Variants in FCN2 observed in about 807,000 individuals in gnomAD.
The protein encoded by FCN2 is ficolin 2.
A neutral mutation model predicts 32.5 loss-of-function variants in FCN2; 31 were observed. That is an observed-to-expected ratio of 0.96 (90% CI 0.72 to 1.29). The LOEUF is 1.29. Ranked by LOEUF, FCN2 falls within the 50% of genes most tolerant of loss-of-function variation. FCN2 has a pLI of 0.00. For missense variants in FCN2, 412 were observed against 406.5 expected (o/e 1.01, Z -0.12); for synonymous variants, 181 against 164.5 (o/e 1.10, Z -0.77).
At chr9:134,881,029 G>A (rs1351974390) in intron 1 of FCN2, 108 bp downstream of exon 1, 1 of 799,800 alleles carries the variant, frequency 1.3e-6, no homozygotes. Flanking sequence ...GCCGTGTGGA[G>A]CATCGTCTAA....
intron 3 of FCN2, among the ~76,000 whole-genome samples, chr9:134,883,949 C>T (rs1830705353): frequency 6.9e-6 from 1 of 144,752 alleles, no homozygotes; most frequent in Admixed American, 7.0e-5. Flanking sequence ...CAAATCCTGT[C>T]CCTCTAATGT....
chr9:134,874,225 G>A, the FCN2 span, among the ~76,000 whole-genome samples: 1 of 152,124 alleles, frequency 6.6e-6, no homozygotes, highest in Non-Finnish European at 1.5e-5. Context: ...CCAAACAACA[G>A]AATATTTTAA....
chr9:134,870,754 G>A, the FCN2 span, among the ~76,000 whole-genome samples: 4 of 152,172 alleles, frequency 2.6e-5, no homozygotes, highest in East Asian at 3.9e-4. The surrounding 1 kb of genome is among the most constrained non-coding windows in gnomAD (Gnocchi z 4.3). Context: ...TGCTCCCAGG[G>A]GAGGGGAGAT....
upstream of FCN2, among the ~76,000 whole-genome samples, chr9:134,878,411 C>T (rs1830622055): frequency 6.6e-6 from 1 of 152,210 alleles, no homozygotes; most frequent in South Asian, 2.1e-4. Flanking sequence ...CCCTGACCAA[C>T]ATTTACACTG....
At chr9:134,865,785 CAA>C in the FCN2 span, among the ~76,000 whole-genome samples, 1 of 152,168 alleles carries the variant, frequency 6.6e-6, no homozygotes. Flanking sequence ...GCAACTTCAG[CAA>C]AGTCTCAGGA....
At chr9:134,864,499 A>G in the FCN2 span, among the ~76,000 whole-genome samples, 13 of 152,096 alleles carry the variant, frequency 8.5e-5, no homozygotes, top group South Asian at 2.1e-4. Context: ...GGAAATGGAG[A>G]GAGAGGTTAC....
At chr9:134,875,517 G>A in the FCN2 span, among the ~76,000 whole-genome samples, 4 of 152,316 alleles carry the variant, frequency 2.6e-5, no homozygotes, top group Admixed American at 1.3e-4. Context: ...TTATGTGCAC[G>A]TGACTATTGC....
chr9:134,883,284 T>A lies in FCN2; in HGVS notation c.215-18T>A, dbSNP rs1231951752. ...GGCTGGGCAGTTTTCCTCAAGTCAG[T>A]GTCTTTGGAAATTGCAGGAGAACGT... On this transcript the variant is annotated intron_variant, in intron 2 of 7. Transcript: ENST00000291744. 6.2e-7 allele frequency: 1 copy of A among 1,606,340 alleles called. No homozygotes were observed. Among genetic ancestry groups the A allele is most frequent in the African/African-American group, 1.3e-5 (1 of 74,732 alleles).
chr9:134,865,661 G>A, the FCN2 span, among the ~76,000 whole-genome samples: 1 of 152,114 alleles, frequency 6.6e-6, no homozygotes, highest in East Asian at 1.9e-4. Context: ...CCACCAAGCA[G>A]TGGCAGCTGC....
At chr9:134,882,669 C>A (rs759195895) in intron 2 of FCN2, 30 bp downstream of exon 2, 2 of 1,482,990 alleles carry the variant, frequency 1.3e-6, no homozygotes, top group Admixed American at 3.4e-5. Context: ...GGGGCACTGG[C>A]TCTTGCTCTT....
chr9:134,885,628 A>G (rs1830739328), intron 5 of FCN2, 140 bp from the exon 6 acceptor site: 1 of 1,218,050 alleles, frequency 8.2e-7, no homozygotes. Context: ...GGAGTCTGTG[A>G]GGAGAACAGG....
chr9:134,880,788 G>A (rs776369801), upstream of FCN2: 10 of 1,556,594 alleles, frequency 6.4e-6, no homozygotes, highest in South Asian at 4.5e-5. Flanking sequence ...CCCTATAAGA[G>A]GGCAGGCACC....
upstream of FCN2, among the ~76,000 whole-genome samples, chr9:134,878,580 C>T (rs1830623340): frequency 6.6e-6 from 1 of 152,236 alleles, no homozygotes; most frequent in African/African-American, 2.4e-5. Flanking sequence ...CGGTGGCTCA[C>T]ACCTGTAATC....
the FCN2 span, among the ~76,000 whole-genome samples, chr9:134,871,511 G>A: frequency 4.6e-5 from 7 of 152,224 alleles, no homozygotes; most frequent in Non-Finnish European, 8.8e-5. Context: ...GTGACCGCAC[G>A]CTGAGCCCAC....
At chr9:134,864,613 T>C in the FCN2 span, among the ~76,000 whole-genome samples, 3 of 152,300 alleles carry the variant, frequency 2.0e-5, no homozygotes, top group East Asian at 1.9e-4. Context: ...CCTGCTCTCC[T>C]GGCCCTCTCC....
chr9:134,879,660 C>T (rs574106670), upstream of FCN2, among the ~76,000 whole-genome samples: 5 of 152,278 alleles, frequency 3.3e-5, no homozygotes, highest in South Asian at 2.1e-4. Context: ...CTAAACACCA[C>T]GGAACCCGAG....
In FCN2 at chr9:134,885,502, G is replaced by A. The variant is rs555083395; in HGVS notation, c.429+136G>A. ...TCAGAGATGATGGGGGAGATGACCG[G>A]TGGGTAAAAGTCCAGGCCTTTGGGG... On this transcript the variant is annotated intron_variant, in intron 5 of 7. Transcript: ENST00000291744. The A allele has an allele frequency of 1.2e-5, 17 of 1,434,674 alleles. No individual in the cohort carries two copies. In the African/African-American group the frequency reaches 2.0e-4, roughly 17 times the overall value. 88.9% of individuals were successfully genotyped at this position (1,434,674 alleles called of 1,614,324 possible). A position where few individuals can be genotyped will look rare whatever the true frequency, so the allele number is the denominator to read the frequency against.
rs779333965 is a variant in FCN2 at position 134,885,396 on chromosome 9, G to A, written c.429+30G>A. The A allele has an allele frequency of 8.1e-6, 13 of 1,608,482 alleles. No homozygotes were observed. In the Admixed American group the frequency reaches 2.2e-4, roughly 27 times the overall value. On this transcript the variant is annotated intron_variant, in intron 5 of 7. Coordinates refer to ENST00000291744, the MANE Select transcript of FCN2 (RefSeq NM_004108.3). Reference sequence around the variant, plus strand: ...GTGTGGGGCTGGGCAGAGGCGGTCAGCCTGGGAGTCCCGGAGGCCAGGCTG... The same window carrying A: ...GTGTGGGGCTGGGCAGAGGCGGTCAACCTGGGAGTCCCGGAGGCCAGGCTG...
the FCN2 span, among the ~76,000 whole-genome samples, chr9:134,867,536 T>C: frequency 6.7e-6 from 1 of 149,142 alleles, no homozygotes; most frequent in African/African-American, 2.5e-5. Flanking sequence ...ATATACCTAA[T>C]GCTAGATGAC....
Sources: allele counts gnomAD v4.1 joint callset (sites outside exome capture counted in the v4.1 genomes callset), GRCh38; gene constraint gnomAD v4.1.1; non-coding constraint Gnocchi (gnomAD v3.1); transcripts MANE v1.5; gene names NCBI Gene and HGNC (gene_info 2026-07-23, HGNC 2026-07-21).